The following STAT5B variants were observed in gnomAD, a reference collection of about 807,000 sequenced individuals.
The protein encoded by STAT5B is transcription factor STAT5B.
A neutral mutation model predicts 107.8 loss-of-function variants in STAT5B; 21 were observed. That is an observed-to-expected ratio of 0.19 (90% CI 0.14 to 0.28). The LOEUF is 0.28. Ranked by LOEUF, STAT5B falls within the 10% of genes least tolerant of loss-of-function variation. STAT5B has a pLI of 1.00. For synonymous variants in STAT5B, 325 were observed against 401.7 expected, an observed-to-expected ratio of 0.81 and a Z score of 2.28; for missense variants, 565 against 1,008.2, an observed-to-expected ratio of 0.56 and a Z score of 5.95.
chr17:42,200,833 G>A lies in STAT5B; in HGVS notation c.*905C>T. 5.3e-6 allele frequency: 2 copies of A among 377,284 alleles called. No individual in the cohort carries two copies. The highest frequency in any genetic ancestry group is 9.4e-6 in the Non-Finnish European group (2 of 212,924). 23.4% of individuals were successfully genotyped at this position (377,284 alleles called of 1,614,324 possible). On this transcript the variant is annotated 3_prime_UTR_variant, in exon 19 of 19. Coordinates refer to ENST00000293328, the MANE Select transcript of STAT5B (RefSeq NM_012448.4). Reference sequence around the variant, plus strand: ...TGTGCATCCGCTGGCTCAGAGAAAGGCTGGGCAGCCGGAACAGCAGCTTCC... The same window carrying A: ...TGTGCATCCGCTGGCTCAGAGAAAGACTGGGCAGCCGGAACAGCAGCTTCC...
At chr17:42,266,640 T>TGAGGTGGGAGGTGTGGAGGTG (rs1340750970) in intron 1 of STAT5B, among the ~76,000 whole-genome samples, 3 of 151,560 alleles carry the variant, frequency 2.0e-5, no homozygotes, top group East Asian at 1.9e-4. Flanking sequence ...TGTGGAAGGT[T>TGAGGTGGGAGGTGTGGAGGTG]GAGGTGGGAG....
At chr17:42,259,779 C>CA (rs374490542) in intron 1 of STAT5B, among the ~76,000 whole-genome samples, 386 of 141,580 alleles carry the variant, frequency 2.7e-3, no homozygotes, top group Middle Eastern at 7.1e-3. Flanking sequence ...GATTCTGTCT[C>CA]AAAAAAAAAA....
Position 42,219,855 on chromosome 17 carries a change from A to G in STAT5B, c.551-13T>C. Reference sequence around the variant, plus strand: ...GGGCCAAACTGAGCTAGAGGAGGGGAGAGGAAACCATGACCATCACCTCCC... The same window carrying G: ...GGGCCAAACTGAGCTAGAGGAGGGGGGAGGAAACCATGACCATCACCTCCC... On this transcript the variant is annotated splice_polypyrimidine_tract_variant and intron_variant, in intron 5 of 18. Coordinates refer to ENST00000293328, the MANE Select transcript of STAT5B (RefSeq NM_012448.4). 6.2e-7 allele frequency: 1 copy of G among 1,614,100 alleles called. No individual in the cohort carries two copies. The highest frequency in any genetic ancestry group is 1.1e-5 in the South Asian group (1 of 91,080).
At chr17:42,268,650 T>A (rs2080695361) in intron 1 of STAT5B, 1 of 152,080 alleles carries the variant, frequency 6.6e-6, no homozygotes, top group Non-Finnish European at 1.5e-5. Flanking sequence ...CTATCAGAAA[T>A]GAGATAGGAG....
chr17:42,281,630 G>A (rs139305551), upstream of STAT5B, among the ~76,000 whole-genome samples: 289 of 152,316 alleles, frequency 1.9e-3, no homozygotes, highest in African/African-American at 6.3e-3. Context: ...GAGAGGACGG[G>A]AGCGATGGAT....
chr17:42,222,362 G>A (rs566351733), intron 5 of STAT5B, among the ~76,000 whole-genome samples: 2 of 152,266 alleles, frequency 1.3e-5, no homozygotes, highest in East Asian at 3.9e-4. Flanking sequence ...ACCACAGACT[G>A]AAGCTCTCTG....
chr17:42,223,814 C>A (rs1567662269), intron 4 of STAT5B, among the ~76,000 whole-genome samples: 1 of 152,084 alleles, frequency 6.6e-6, no homozygotes, highest in African/African-American at 2.4e-5. Flanking sequence ...CCAGAGTATT[C>A]CAAACGAGGT....
At chr17:42,246,782 A>G (rs1026926242) in intron 1 of STAT5B, among the ~76,000 whole-genome samples, 11 of 152,192 alleles carry the variant, frequency 7.2e-5, no homozygotes, top group Non-Finnish European at 1.5e-4. Context: ...GTGAGACCCC[A>G]TTTCTAAACA....
chr17:42,213,188 T>C (rs1000616910), intron 12 of STAT5B, among the ~76,000 whole-genome samples: 2 of 152,158 alleles, frequency 1.3e-5, no homozygotes, highest in Non-Finnish European at 2.9e-5. Context: ...TAGGCAAATA[T>C]ATATGGAGAA....
chr17:42,262,809 T>C (rs796259153), intron 1 of STAT5B, among the ~76,000 whole-genome samples: 28 of 122,962 alleles, frequency 2.3e-4, no homozygotes, highest in Middle Eastern at 4.5e-3. Flanking sequence ...TGTGTATATA[T>C]ACACACATAT....
Position 42,264,341 on chromosome 17 carries a change from A to G in STAT5B, c.-11+11907T>C, listed in dbSNP as rs1442695469. 2.1e-5 allele frequency among the ~76,000 whole-genome samples: 3 copies of G among 145,386 alleles called. No homozygotes were observed. In the East Asian group the frequency reaches 6.4e-4, roughly 31 times the overall value. On this transcript the variant is annotated intron_variant, in intron 1 of 18. Transcript: ENST00000293328. ...CATCTGGCATTAGGTATATCTCCCA[A>G]TGCTATCCCTCCCCCCTCCCCCCAC...
chr17:42,216,229 G>A, intron 11 of STAT5B, 123 bp from the exon 12 acceptor site: 2 of 828,652 alleles, frequency 2.4e-6, no homozygotes, highest in South Asian at 1.6e-5. Flanking sequence ...GTTCCTCTCA[G>A]ACACAGAATC....
At chr17:42,276,519 C>T (rs1184811013), upstream of STAT5B, 1 of 151,066 alleles carries the variant, frequency 6.6e-6, no homozygotes, top group Non-Finnish European at 1.5e-5. The surrounding 1 kb of genome is among the most constrained non-coding windows in gnomAD (Gnocchi z 4.8). Context: ...GCTCGCTAGC[C>T]CGCTGTCCCT....
chr17:42,275,901 G>C (rs2080760878), intron 1 of STAT5B, among the ~76,000 whole-genome samples: 1 of 152,058 alleles, frequency 6.6e-6, no homozygotes, highest in Non-Finnish European at 1.5e-5. Context: ...GGTGTGAGGC[G>C]GCTGACAGCA....
the STAT5B span, among the ~76,000 whole-genome samples, chr17:42,282,495 T>G: frequency 6.6e-6 from 1 of 152,154 alleles, no homozygotes; most frequent in Non-Finnish European, 1.5e-5. Flanking sequence ...GGCTAATTTT[T>G]TTATTTTTAA....
At chr17:42,251,261 C>A (rs980774113) in intron 1 of STAT5B, among the ~76,000 whole-genome samples, 3 of 152,050 alleles carry the variant, frequency 2.0e-5, no homozygotes, top group African/African-American at 4.8e-5. Flanking sequence ...CGAGAACTGT[C>A]CTGGGCTTGG....
intron 1 of STAT5B, among the ~76,000 whole-genome samples, chr17:42,274,223 G>A (rs190547524): frequency 1.6e-5 from 2 of 127,188 alleles, no homozygotes; most frequent in Admixed American, 2.0e-4. Flanking sequence ...TTCAAGTTAT[G>A]CAATAACCAA....
the STAT5B span, among the ~76,000 whole-genome samples, chr17:42,285,676 T>C: frequency 6.6e-6 from 1 of 152,026 alleles, no homozygotes; most frequent in Non-Finnish European, 1.5e-5. Context: ...AACCCCAAAT[T>C]TGACATTTCT....
At chr17:42,204,038 T>G (rs1464326748) in intron 16 of STAT5B, among the ~76,000 whole-genome samples, 1 of 152,130 alleles carries the variant, frequency 6.6e-6, no homozygotes, top group African/African-American at 2.4e-5. Context: ...TTCCTCTAAC[T>G]CTGAGTGTCT....
Sources: gnomAD v4.1 joint callset for allele counts (sites outside exome capture counted in the v4.1 genomes callset) on GRCh38, gnomAD v4.1.1 for gene constraint, Gnocchi (gnomAD v3.1) non-coding constraint, MANE v1.5 for transcripts, NCBI Gene and HGNC (gene_info 2026-07-23, HGNC 2026-07-21) for gene names.